Variants in NOS1 observed in about 807,000 individuals in gnomAD.
NOS1 encodes NOS type I.
Under a neutral mutation model 164.5 loss-of-function variants are expected in NOS1, and 51 were observed. That is an observed-to-expected ratio of 0.31 (90% CI 0.25 to 0.39). The LOEUF is 0.39. Ranked by LOEUF, NOS1 falls within the 10% of genes least tolerant of loss-of-function variation. The probability of loss-of-function intolerance (pLI) is 1.00; values close to 1 mark genes in which losing one functional copy is unlikely to be tolerated. For synonymous variants in NOS1, 719 were observed against 745.8 expected (o/e 0.96, Z 0.59); for missense variants, 1,362 against 1,885.6 (o/e 0.72, Z 5.14).
chr12:117,266,498 GTA>G (rs904635857), intron 11 of NOS1, among the ~76,000 whole-genome samples: 3 of 151,572 alleles, frequency 2.0e-5, no homozygotes, highest in Non-Finnish European at 4.4e-5. Flanking sequence ...GTGTGTGCAA[GTA>G]TCTTTTTTGT....
Position 117,259,101 on chromosome 12 carries a change from C to T in NOS1, c.2397G>A (p.Val799=). 6.2e-7 allele frequency: 1 copy of T among 1,614,010 alleles called. No homozygotes were observed. ...GGACCAGAGTTTCATGTTCCAGGTG[C>T]ACAATGTCATATTCTTCCATGGACA... ...KVMSMEEYDI[V]HLEHETLVLV... is the part of the protein sequence containing the mutation. Residue 799 remains valine, a synonymous_variant, in exon 15 of 29, where the codon GTG becomes GTA. Coordinates refer to ENST00000317775, the MANE Select transcript of NOS1 (RefSeq NM_000620.5).
intron 2 of NOS1, among the ~76,000 whole-genome samples, chr12:117,326,835 C>T (rs3782214): frequency 0.02 from 2,991 of 152,280 alleles, 93 homozygotes; most frequent in African/African-American, 0.058. Flanking sequence ...CTTGGTGACA[C>T]GAGGGCTCCC....
rs756483191 is a variant in NOS1 at position 117,272,505 on chromosome 12, G to T, written c.1719C>A (p.Ser573=). Residue 573 remains serine, a synonymous_variant, in exon 10 of 29, where the codon TCC becomes TCA. Transcript: ENST00000317775. The surrounding 1 kb of genome is among the most constrained non-coding windows in gnomAD (Gnocchi z 4.3). The part of the protein sequence containing the change: ...GLKWYGLPAV[S]NMLLEIGGLE... The stretch of plus-strand genomic sequence containing the variant: ...GGCCGCCAATCTCTAGGAGCATGTT[G>T]GACACGGCGGGGAGGCCGTACCACT... The T allele has an allele frequency of 6.2e-7, 1 of 1,614,166 alleles. No individual in the cohort carries two copies. Among genetic ancestry groups the T allele is most frequent in the Non-Finnish European group, 8.5e-7 (1 of 1,180,022 alleles).
chr12:117,318,461 GA>G (rs1874764850), intron 2 of NOS1, among the ~76,000 whole-genome samples: 1 of 152,188 alleles, frequency 6.6e-6, no homozygotes, highest in African/African-American at 2.4e-5. Flanking sequence ...TTTCTGGCAA[GA>G]GCAAAACTAA....
intron 25 of NOS1, among the ~76,000 whole-genome samples, chr12:117,223,859 G>C (rs897686323): frequency 1.3e-5 from 2 of 152,152 alleles, no homozygotes; most frequent in South Asian, 4.1e-4. Context: ...TCACCATGTT[G>C]GACAGGCTGG....
chr12:117,254,097 T>C (rs949967843), intron 16 of NOS1, among the ~76,000 whole-genome samples: 1 of 152,094 alleles, frequency 6.6e-6, no homozygotes, highest in South Asian at 2.1e-4. Context: ...TGCTCCCTTG[T>C]TTCTAAAAAA....
At chr12:117,342,399 A>G (rs1876155317) in intron 1 of NOS1, among the ~76,000 whole-genome samples, 1 of 152,194 alleles carries the variant, frequency 6.6e-6, no homozygotes, top group Non-Finnish European at 1.5e-5. Flanking sequence ...CATAAGGGAC[A>G]TAACATGGTC....
In NOS1 at chr12:117,256,284, G is replaced by GTTGTTTTTTTTTTTTTTTTTT. The variant is rs549611283; in HGVS notation, c.2531+2112_2531+2113insAAAAAAAAAAAAAAAAAACAA. Among the ~76,000 whole-genome samples the GTTGTTTTTTTTTTTTTTTTTT allele has an allele frequency of 9.3e-4, 110 of 118,438 alleles. 1 individual carries two copies. Among genetic ancestry groups the GTTGTTTTTTTTTTTTTTTTTT allele is most frequent in the African/African-American group, 3.5e-3 (92 of 26,142 alleles). 77.7% of individuals were successfully genotyped at this position (118,438 alleles called of 152,430 possible). On this transcript the variant is annotated intron_variant, in intron 16 of 28. Coordinates refer to ENST00000317775, the MANE Select transcript of NOS1 (RefSeq NM_000620.5). ...CAAAGAAAATCAGAAGGGATTTTCT[G>GTTGTTTTTTTTTTTTTTTTTT]TTTTTTTTTTTTGAGACGGAGTCTC... is the stretch of plus-strand genomic sequence containing the variant.
chr12:117,257,916 C>T (rs1005988454), intron 16 of NOS1, among the ~76,000 whole-genome samples: 4 of 151,288 alleles, frequency 2.6e-5, no homozygotes, highest in East Asian at 1.9e-4. Flanking sequence ...GCGATTCTCC[C>T]GCCTCAGCCT....
Position 117,212,883 on chromosome 12 carries a change from G to A in NOS1, c.*2426C>T. ...TTTGGTATCAGGAATTCTGGCAAAT[G>A]AAAGAAACACATCAGATCGCTCTCC... On this transcript the variant is annotated 3_prime_UTR_variant, in exon 29 of 29. Transcript: ENST00000317775. 3 of 985,432 alleles carry A rather than the reference G, an allele frequency of 3.0e-6. No homozygotes were observed. The highest frequency in any genetic ancestry group is 3.6e-6 in the Non-Finnish European group (3 of 829,934). 61.0% of individuals were successfully genotyped at this position (985,432 alleles called of 1,614,324 possible). A position where few individuals can be genotyped will look rare whatever the true frequency, so the allele number is the denominator to read the frequency against.
chr12:117,305,555 G>A (rs1367955513), intron 3 of NOS1, among the ~76,000 whole-genome samples: 1 of 151,838 alleles, frequency 6.6e-6, no homozygotes, highest in Non-Finnish European at 1.5e-5. Context: ...CTTTCAGGAT[G>A]GAAAAAAGAA....
chr12:117,287,151 G>A (rs1041942840), intron 5 of NOS1, among the ~76,000 whole-genome samples: 1 of 152,010 alleles, frequency 6.6e-6, no homozygotes, highest in Admixed American at 6.6e-5. Context: ...GAGGCAGAGG[G>A]TGCAGTGAGC....
chr12:117,308,081 C>CTATTATAA (rs36065807), intron 3 of NOS1, among the ~76,000 whole-genome samples: 11 of 152,104 alleles, frequency 7.2e-5, no homozygotes, highest in Non-Finnish European at 1.5e-4. Flanking sequence ...AGCACTAATG[C>CTATTATAA]TATTATAAAT....
chr12:117,297,635 C>T (rs1873511746), intron 3 of NOS1, among the ~76,000 whole-genome samples: 1 of 151,982 alleles, frequency 6.6e-6, no homozygotes, highest in Non-Finnish European at 1.5e-5. Flanking sequence ...CAGGTATCCG[C>T]CTGCCTTGGC....
intron 10 of NOS1, among the ~76,000 whole-genome samples, chr12:117,268,632 C>T (rs546870274): frequency 2.7e-5 from 4 of 149,958 alleles, no homozygotes; most frequent in Non-Finnish European, 4.4e-5. Flanking sequence ...CTCTGTCACC[C>T]AGGCTGGAGT....
chr12:117,353,275 TCTAG>T (rs1428157611), intron 1 of NOS1, among the ~76,000 whole-genome samples: 2 of 152,156 alleles, frequency 1.3e-5, no homozygotes, highest in Non-Finnish European at 2.9e-5. Flanking sequence ...TATTCTATCC[TCTAG>T]CTATTATCTA....
intron 1 of NOS1, among the ~76,000 whole-genome samples, chr12:117,359,953 TTA>T (rs1336088537): frequency 3.4e-5 from 4 of 119,060 alleles, no homozygotes; most frequent in Non-Finnish European, 7.0e-5. Flanking sequence ...ACTTCCTGCG[TTA>T]TGAACGCTTA....
intron 11 of NOS1, among the ~76,000 whole-genome samples, 182 bp from the exon 12 acceptor site, chr12:117,265,692 A>G (rs896090960): frequency 9.9e-5 from 15 of 152,032 alleles, no homozygotes; most frequent in Admixed American, 3.9e-4. Flanking sequence ...CCCAGGAGAA[A>G]GTCTTCGTTG....
chr12:117,324,144 G>A (rs144105804), intron 2 of NOS1, among the ~76,000 whole-genome samples: 31 of 152,200 alleles, frequency 2.0e-4, no homozygotes, highest in African/African-American at 7.5e-4. Flanking sequence ...TGTGGCCAGT[G>A]CTGTGTGACC....
Sources: allele counts gnomAD v4.1 joint callset (sites outside exome capture counted in the v4.1 genomes callset), GRCh38; gene constraint gnomAD v4.1.1; non-coding constraint Gnocchi (gnomAD v3.1); transcripts MANE v1.5; gene names NCBI Gene and HGNC (gene_info 2026-07-23, HGNC 2026-07-21).